BTBD8: variants seen among roughly 807,000 people sequenced by gnomAD.
BTBD8 encodes the protein BTB/POZ domain-containing protein 8.
A neutral mutation model predicts 162.9 loss-of-function variants in BTBD8; 110 were observed. The ratio of observed to expected loss-of-function variants is 0.68; its 90% CI spans 0.58 to 0.79. The LOEUF is 0.79. Among genes scored for constraint, BTBD8 ranks in the 30% least tolerant of loss-of-function variants. The probability of loss-of-function intolerance (pLI) is 0.00; values close to 1 mark genes in which losing one functional copy is unlikely to be tolerated. For synonymous variants in BTBD8, 667 were observed against 716.1 expected, an observed-to-expected ratio of 0.93 and a Z score of 1.10; for missense variants, 1,905 against 2,085.4, an observed-to-expected ratio of 0.91 and a Z score of 1.68.
At chr1:92,092,555 G>A (rs563431058) in intron 2 of BTBD8, among the ~76,000 whole-genome samples, 21 of 152,210 alleles carry the variant, frequency 1.4e-4, no homozygotes, top group African/African-American at 4.8e-4. Context: ...TCTAGCCTCC[G>A]AAAACTGAGA....
intron 9 of BTBD8, among the ~76,000 whole-genome samples, chr1:92,158,771 T>TA (rs1330400214): frequency 6.6e-6 from 1 of 151,646 alleles, no homozygotes; most frequent in Non-Finnish European, 1.5e-5. Flanking sequence ...AAACCATGCT[T>TA]AAAAAAATGA....
chr1:92,182,877 TTGC>T (rs1650957559), intron 17 of BTBD8, among the ~76,000 whole-genome samples: 1 of 152,056 alleles, frequency 6.6e-6, no homozygotes, highest in Non-Finnish European at 1.5e-5. Flanking sequence ...AAAACTTAGT[TTGC>T]TGCTATTTAG....
chr1:92,081,689 T>C (rs575603059), intron 1 of BTBD8, among the ~76,000 whole-genome samples: 3 of 152,298 alleles, frequency 2.0e-5, no homozygotes, highest in African/African-American at 7.2e-5. Flanking sequence ...TTCTCCTGCC[T>C]CAACCTCCCG....
chr1:92,111,410 A>G (rs1648891116), intron 4 of BTBD8, among the ~76,000 whole-genome samples: 1 of 152,222 alleles, frequency 6.6e-6, no homozygotes, highest in African/African-American at 2.4e-5. Flanking sequence ...TTAAGATGTC[A>G]AATCTTCCTT....
intron 9 of BTBD8, among the ~76,000 whole-genome samples, chr1:92,155,181 C>G (rs896054027): frequency 1.3e-5 from 2 of 152,108 alleles, no homozygotes; most frequent in African/African-American, 4.8e-5. Context: ...ATTTTGAAAT[C>G]AGAAAATCAA....
rs1650899889 is a variant in BTBD8, at chr1:92,181,369, C to T, written c.3686C>T (p.Thr1229Ile). The change falls in exon 17 of 18, where the codon ACT (threonine) becomes ATT (isoleucine). Residue 1229 changes from threonine (T) to isoleucine (I), a missense_variant. By Grantham distance (89) the Thr-to-Ile change is moderately conservative (BLOSUM62 -1). This residue lies in a region of BTBD8 where 1,374 missense variants were observed against 1,442.7 expected (regional missense o/e 0.95). Transcript: ENST00000636805. Reference protein sequence around the residue: ...ESPESHETPETPFVGHWNLST... With the variant: ...ESPESHETPEIPFVGHWNLST... ...CCAGAGAGCCATGAAACTCCAGAAA[C>T]TCCATTTGTGGGTCACTGGAATTTG... 6.4e-7 allele frequency: 1 copy of T among 1,551,530 alleles called. No individual in the cohort carries two copies.
At chr1:92,119,287 C>CTTTTTTTTT (rs905843721) in intron 4 of BTBD8, among the ~76,000 whole-genome samples, 13 of 132,866 alleles carry the variant, frequency 9.8e-5, no homozygotes, top group East Asian at 2.1e-4. Flanking sequence ...TTCTTTTTTT[C>CTTTTTTTTT]TTTTTTTTTT....
intron 4 of BTBD8, among the ~76,000 whole-genome samples, chr1:92,121,357 G>A (rs1649204592): frequency 6.6e-6 from 1 of 152,210 alleles, no homozygotes; most frequent in African/African-American, 2.4e-5. Flanking sequence ...TTTTTGTAAT[G>A]TCCTTGTCAG....
intron 7 of BTBD8, among the ~76,000 whole-genome samples, chr1:92,143,395 AAC>A (rs571215386): frequency 1.6e-3 from 238 of 152,282 alleles, no homozygotes; most frequent in African/African-American, 5.5e-3. Context: ...TTATTTTAAA[AAC>A]ACAAAAGACA....
rs141148166 is a variant in BTBD8, at chr1:92,153,443, G to T, written c.1122+5657G>T. 3.1e-4 allele frequency among the ~76,000 whole-genome samples: 47 copies of T among 152,094 alleles called. No homozygotes were observed. In the East Asian group the frequency reaches 3.9e-3, roughly 12 times the overall value. ...ATTTTTAAGTGTACAATACAGTATT[G>T]TCAATTACAGGCACACAGTTGAACA... On this transcript the variant is annotated intron_variant, in intron 9 of 17. Coordinates refer to ENST00000636805, the MANE Select transcript of BTBD8 (RefSeq NM_001376131.1).
chr1:92,087,261 G>T (rs1648186249), intron 1 of BTBD8, among the ~76,000 whole-genome samples: 1 of 148,606 alleles, frequency 6.7e-6, no homozygotes, highest in African/African-American at 2.5e-5. Flanking sequence ...CCTGATGGTT[G>T]TATGGCTACC....
chr1:92,104,769 T>C (rs978121739), intron 3 of BTBD8, among the ~76,000 whole-genome samples: 2 of 152,170 alleles, frequency 1.3e-5, no homozygotes, highest in Admixed American at 6.5e-5. Context: ...TTGAAACTTC[T>C]GTTTTCTGTG....
chr1:92,136,535 T>A lies in BTBD8; in HGVS notation c.753-2815T>A, dbSNP rs138314255. ...ATTACGTGGGGAAAGGAAATTCTTC[T>A]GATCCTGGGGGTATTGAATCATTGC... On this transcript the variant is annotated intron_variant, in intron 5 of 17. Coordinates refer to ENST00000636805, the MANE Select transcript of BTBD8 (RefSeq NM_001376131.1). Among the ~76,000 whole-genome samples the A allele has an allele frequency of 1.5e-3, 227 of 152,292 alleles. 2 individuals carry two copies. In the East Asian group the frequency reaches 0.03, roughly 20 times the overall value.
At chr1:92,154,945 G>A (rs1205030833) in intron 9 of BTBD8, among the ~76,000 whole-genome samples, 1 of 152,172 alleles carries the variant, frequency 6.6e-6, no homozygotes, top group African/African-American at 2.4e-5. Flanking sequence ...TGGGTATGTT[G>A]TACGATAAGG....
chr1:92,093,587 T>G (rs1286915771), intron 2 of BTBD8, among the ~76,000 whole-genome samples: 1 of 152,182 alleles, frequency 6.6e-6, no homozygotes. Flanking sequence ...TTCTACCACT[T>G]CTGTATGAAC....
At chr1:92,117,687 C>G in intron 4 of BTBD8, among the ~76,000 whole-genome samples, 1 of 152,012 alleles carries the variant, frequency 6.6e-6, no homozygotes, top group Non-Finnish European at 1.5e-5. Context: ...ACTCCCTCTT[C>G]TATATTACTG....
intron 13 of BTBD8, among the ~76,000 whole-genome samples, chr1:92,173,575 C>T (rs1650621826): frequency 6.6e-6 from 1 of 152,150 alleles, no homozygotes; most frequent in African/African-American, 2.4e-5. Context: ...TTTCCTCATC[C>T]TCCTGACTTT....
rs1024191312 is a variant in BTBD8, at chr1:92,184,723, A to G, written c.*393A>G. On this transcript the variant is annotated 3_prime_UTR_variant, in exon 18 of 18. Coordinates refer to ENST00000636805, the MANE Select transcript of BTBD8 (RefSeq NM_001376131.1). ...ATAAAAACTTACCGTGCTTGTGTCC[A>G]TTCATGTAGAGTTTTCTGTGACTAA... is the stretch of plus-strand genomic sequence containing the variant. 2 of 155,382 alleles carry G rather than the reference A, an allele frequency of 1.3e-5. No homozygotes were observed. Among genetic ancestry groups the G allele is most frequent in the Non-Finnish European group, 2.9e-5 (2 of 70,154 alleles). The allele number at this position is 155,382 out of a possible 1,614,324, so 9.6% of individuals were successfully genotyped here.
Position 92,080,390 on chromosome 1 carries a change from C to G in BTBD8, c.-182C>G. The G allele has an allele frequency of 3.6e-6, 3 of 825,504 alleles. No individual in the cohort carries two copies. 51.1% of individuals were successfully genotyped at this position (825,504 alleles called of 1,614,324 possible). On this transcript the variant is annotated 5_prime_UTR_variant, in exon 1 of 18. Coordinates refer to ENST00000636805, the MANE Select transcript of BTBD8 (RefSeq NM_001376131.1). ...CTCGGTTCTGGGATTCTGAGGCTCC[C>G]CACCGCGGTCCGGCTTCTCTGGGAG...
Sources: allele counts gnomAD v4.1 joint callset (sites outside exome capture counted in the v4.1 genomes callset), GRCh38; gene constraint gnomAD v4.1.1; regional missense constraint gnomAD v4.1.1; transcripts MANE v1.5; gene names NCBI Gene and HGNC (gene_info 2026-07-23, HGNC 2026-07-21).